Variants in MEIKIN observed in about 807,000 individuals in gnomAD.
MEIKIN encodes the protein meiosis-specific kinetochore protein.
At chr5:131,835,886 C>T (rs764178010) in intron 11 of MEIKIN, among the ~76,000 whole-genome samples, 4 of 152,200 alleles carry the variant, frequency 2.6e-5, no homozygotes, top group Non-Finnish European at 5.9e-5. Flanking sequence ...AGCCACCATG[C>T]CCAGCCATGT....
At chr5:131,827,536 A>G (rs564134511) in intron 11 of MEIKIN, among the ~76,000 whole-genome samples, 52 of 152,352 alleles carry the variant, frequency 3.4e-4, no homozygotes, top group African/African-American at 1.2e-3. Flanking sequence ...AGAAAAAGAT[A>G]TACCAAGGAA....
At chr5:131,928,241 G>A (rs1429036163) in intron 5 of MEIKIN, among the ~76,000 whole-genome samples, 1 of 151,894 alleles carries the variant, frequency 6.6e-6, no homozygotes, top group Non-Finnish European at 1.5e-5. Flanking sequence ...TGTTTTGATT[G>A]GGAAGTTTAA....
At chr5:131,930,049 T>C (rs1039873538) in intron 5 of MEIKIN, among the ~76,000 whole-genome samples, 3 of 152,204 alleles carry the variant, frequency 2.0e-5, no homozygotes, top group African/African-American at 4.8e-5. Context: ...AGTAATAGGA[T>C]TGTTGGGTCA....
At chr5:131,811,335 TTTTTC>T (rs1159908537) in intron 12 of MEIKIN, among the ~76,000 whole-genome samples, 3 of 151,772 alleles carry the variant, frequency 2.0e-5, no homozygotes, top group Middle Eastern at 3.2e-3. Flanking sequence ...ATTTGTAAAC[TTTTTC>T]TTTTCTTTTT....
chr5:131,838,983 T>C, intron 11 of MEIKIN, among the ~76,000 whole-genome samples: 1 of 152,132 alleles, frequency 6.6e-6, no homozygotes, highest in Non-Finnish European at 1.5e-5. Flanking sequence ...TTTTGATGTG[T>C]TCATTCAGTG....
intron 7 of MEIKIN, among the ~76,000 whole-genome samples, chr5:131,916,496 C>T (rs769493908): frequency 6.6e-6 from 1 of 152,178 alleles, no homozygotes; most frequent in African/African-American, 2.4e-5. Context: ...GCTGTCGGTA[C>T]CTCAGTATTA....
At chr5:131,890,586 G>A (rs1354426049) in intron 8 of MEIKIN, among the ~76,000 whole-genome samples, 11 of 151,980 alleles carry the variant, frequency 7.2e-5, no homozygotes, top group East Asian at 1.9e-4. Context: ...TTTTTATTGC[G>A]TCTATTTGAT....
chr5:131,894,515 T>G (rs1165123742), intron 8 of MEIKIN, among the ~76,000 whole-genome samples: 13 of 152,228 alleles, frequency 8.5e-5, no homozygotes, highest in Non-Finnish European at 1.8e-4. Context: ...ATGATATTGA[T>G]TCTTCCTATC....
intron 5 of MEIKIN, among the ~76,000 whole-genome samples, chr5:131,922,582 A>G (rs545520436): frequency 2.0e-4 from 30 of 152,212 alleles, no homozygotes; most frequent in African/African-American, 7.0e-4. Flanking sequence ...GAGGTCTTGG[A>G]ACCAACCCCC....
At chr5:131,926,854 T>C (rs1414492991) in intron 5 of MEIKIN, among the ~76,000 whole-genome samples, 1 of 152,204 alleles carries the variant, frequency 6.6e-6, no homozygotes, top group Non-Finnish European at 1.5e-5. Flanking sequence ...TTCTGTGGCA[T>C]CAGGTATAAT....
chr5:131,812,129 G>C (rs1308626869), intron 12 of MEIKIN, among the ~76,000 whole-genome samples: 1 of 152,278 alleles, frequency 6.6e-6, no homozygotes, highest in South Asian at 2.1e-4. Context: ...GTTTTATACT[G>C]TATGTAGATA....
intron 4 of MEIKIN, among the ~76,000 whole-genome samples, chr5:131,938,636 A>G (rs994924056): frequency 6.6e-6 from 1 of 152,032 alleles, no homozygotes; most frequent in Non-Finnish European, 1.5e-5. Flanking sequence ...TTCTGATTTC[A>G]TATTTTTATT....
At chr5:131,916,762 T>G (rs1158779978) in intron 7 of MEIKIN, 124 bp downstream of exon 7, 3 of 383,466 alleles carry the variant, frequency 7.8e-6, no homozygotes, top group Non-Finnish European at 1.4e-5. Context: ...TCCTGACACA[T>G]AGTGAGTCCT....
chr5:131,922,425 T>A (rs766649418), intron 5 of MEIKIN, among the ~76,000 whole-genome samples: 1 of 151,930 alleles, frequency 6.6e-6, no homozygotes, highest in African/African-American at 2.4e-5. Context: ...GTATAACAAC[T>A]ATTTACATAG....
intron 11 of MEIKIN, among the ~76,000 whole-genome samples, chr5:131,835,168 A>ATATATATGTG (rs1491327034): frequency 7.3e-5 from 11 of 151,402 alleles, no homozygotes; most frequent in African/African-American, 2.7e-4. Flanking sequence ...TTTGTGTTCC[A>ATATATATGTG]TATATATATG....
chr5:131,896,888 G>A (rs1471578036), intron 8 of MEIKIN, among the ~76,000 whole-genome samples: 1 of 152,148 alleles, frequency 6.6e-6, no homozygotes, highest in African/African-American at 2.4e-5. Context: ...TTACATTTAA[G>A]GTTAATATTA....
chr5:131,909,550 G>A (rs1481507391), intron 8 of MEIKIN, among the ~76,000 whole-genome samples: 2 of 151,952 alleles, frequency 1.3e-5, no homozygotes, highest in African/African-American at 2.4e-5. Context: ...GGCAACCAAA[G>A]CAAAATTACA....
At chr5:131,820,706 G>T (rs1749483288) in intron 11 of MEIKIN, among the ~76,000 whole-genome samples, 1 of 152,122 alleles carries the variant, frequency 6.6e-6, no homozygotes, top group Non-Finnish European at 1.5e-5. Context: ...ACTTGTATTG[G>T]TCTATACAGG....
At chr5:131,899,561 A>AT (rs56834286) in intron 8 of MEIKIN, among the ~76,000 whole-genome samples, 6 of 151,146 alleles carry the variant, frequency 4.0e-5, no homozygotes, top group African/African-American at 1.5e-4. Context: ...AAAAAAAAAA[A>AT]CAAGACCCAG....
Sources: allele counts gnomAD v4.1 joint callset (sites outside exome capture counted in the v4.1 genomes callset), GRCh38; gene constraint gnomAD v4.1.1; transcripts MANE v1.5; gene names NCBI Gene and HGNC (gene_info 2026-07-23, HGNC 2026-07-21).